The following TESPA1 variants were observed in gnomAD, a reference collection of about 807,000 sequenced individuals.
The protein encoded by TESPA1 is thymocyte expressed, positive selection associated 1.
TESPA1 carries 33 observed loss-of-function variants against 57.9 expected under a neutral mutation model. The ratio of observed to expected loss-of-function variants is 0.57; its 90% confidence interval spans 0.43 to 0.76. TESPA1 has a LOEUF of 0.76. Ranked by LOEUF, TESPA1 falls within the 30% of genes least tolerant of loss-of-function variation. The pLI is 0.00. For synonymous variants in TESPA1, 227 were observed against 228.9 expected (o/e 0.99, Z 0.07); for missense variants, 618 against 632.9 (o/e 0.98, Z 0.25).
At chr12:54,977,133 G>A (rs1281619128) in intron 1 of TESPA1, among the ~76,000 whole-genome samples, 1 of 151,806 alleles carries the variant, frequency 6.6e-6, no homozygotes, top group African/African-American at 2.4e-5. Flanking sequence ...CCAATTTATT[G>A]TTTACTCTTC....
intron 9 of TESPA1, 145 bp downstream of exon 9, chr12:54,962,286 C>T (rs1295967699): frequency 9.9e-7 from 1 of 1,011,318 alleles, no homozygotes; most frequent in Non-Finnish European, 1.4e-6. Context: ...GTATATTAAC[C>T]CTGAATTGAA....
intron 5 of TESPA1, 115 bp from the exon 6 acceptor site, chr12:54,966,539 G>A (rs749541297): frequency 8.5e-5 from 104 of 1,225,326 alleles, no homozygotes; most frequent in Non-Finnish European, 1.1e-4. Flanking sequence ...GACTATGACA[G>A]GCTAGCTGGA....
At position 54,974,606 on chromosome 12, in the gene TESPA1, T is replaced by A. The variant is rs763473465; in HGVS notation, c.-44A>T. ...AGGGCCTCCCGTAACAGTAATGCCGTCCTAAGAGTTGAAAAACAGTGATAC... is the reference window on the plus strand; with the variant it reads ...AGGGCCTCCCGTAACAGTAATGCCGACCTAAGAGTTGAAAAACAGTGATAC... On this transcript the variant is annotated splice_region_variant and 5_prime_UTR_variant, in exon 2 of 11. Coordinates refer to ENST00000449076, the MANE Select transcript of TESPA1 (RefSeq NM_001136030.3). 3 of 1,456,098 alleles carry A rather than the reference T, an allele frequency of 2.1e-6. No individual in the cohort carries two copies. The African/African-American group carries it at 4.3e-5, about 21-fold the overall frequency. The allele number at this position is 1,456,098 out of a possible 1,614,324, so 90.2% of individuals were successfully genotyped here. A position where few individuals can be genotyped will look rare whatever the true frequency, so the allele number is the denominator to read the frequency against.
chr12:54,968,022 T>G, intron 3 of TESPA1, 130 bp from the exon 4 acceptor site: 1 of 1,535,934 alleles, frequency 6.5e-7, no homozygotes, highest in Non-Finnish European at 8.7e-7. Flanking sequence ...TGCTTTTATG[T>G]TGGAGAAAAC....
In TESPA1 at chr12:54,967,227, C is replaced by T. The variant is rs375638700; in HGVS notation, c.266G>A (p.Ser89Asn). The T allele has an allele frequency of 6.2e-7, 1 of 1,612,708 alleles. No individual in the cohort carries two copies. Among genetic ancestry groups the T allele is most frequent in the Non-Finnish European group, 8.5e-7 (1 of 1,179,550 alleles). Residue 89 changes from serine (S) to asparagine (N), a missense_variant, in exon 5 of 11, where the codon AGC becomes AAC. Coordinates refer to ENST00000449076, the MANE Select transcript of TESPA1 (RefSeq NM_001136030.3). ...AGQFIYNGFCSHGTSFEDDLT... is the reference protein window; with the variant it reads ...AGQFIYNGFCNHGTSFEDDLT... ...GTCATCTTCAAAGCTGGTCCCATGG[C>T]TGCAGAAGCCTGTCCAATAATCAGG...
intron 7 of TESPA1, among the ~76,000 whole-genome samples, chr12:54,964,319 G>A (rs992682742): frequency 2.6e-5 from 4 of 152,194 alleles, no homozygotes; most frequent in African/African-American, 7.2e-5. Context: ...TTTGCCATCC[G>A]ACTTGCCCCA....
In TESPA1 at chr12:54,962,945, T is replaced by C. The variant is rs1951181183; in HGVS notation, c.953A>G (p.Glu318Gly). 1 of 1,613,766 alleles carries C rather than the reference T, an allele frequency of 6.2e-7. No homozygotes were observed. The highest frequency in any genetic ancestry group is 1.1e-5 in the South Asian group (1 of 91,066). The change falls in exon 9 of 11, where the codon GAA becomes GGA. Residue 318 changes from glutamate to glycine, a missense_variant. Physicochemically the swap from Glu to Gly is moderately conservative, Grantham distance 98. Coordinates refer to ENST00000449076, the MANE Select transcript of TESPA1 (RefSeq NM_001136030.3). ...CTCTTCTTTCACTTTGTCCATCACT[T>C]CCAACACAACTTGGTCCAAACTGTT... ...KRNSLDQVVL[E>G]VMDKVKEEKQ...
chr12:54,973,734 C>T, intron 2 of TESPA1: 1 of 1,322,138 alleles, frequency 7.6e-7, no homozygotes, highest in South Asian at 2.2e-5. Flanking sequence ...CCCTTCCTCC[C>T]AAGAACCTGG....
chr12:54,973,598 A>C, intron 2 of TESPA1, 79 bp from the exon 3 acceptor site: 1 of 1,609,828 alleles, frequency 6.2e-7, no homozygotes, highest in Admixed American at 1.7e-5. Context: ...CCATTCCACA[A>C]GTTTATTCTT....
chr12:54,955,225 C>T (rs72648123), intron 10 of TESPA1, among the ~76,000 whole-genome samples: 31,174 of 152,054 alleles, frequency 0.21, 5,425 homozygotes, highest in East Asian at 0.84. Context: ...ACTTGTATGT[C>T]TTCTTTCAAT....
chr12:54,974,598 T>A lies in TESPA1; in HGVS notation c.-36A>T, dbSNP rs776962065. On this transcript the variant is annotated 5_prime_UTR_variant, in exon 2 of 11. Transcript: ENST00000449076. ...CAGACTTCAGGGCCTCCCGTAACAGTAATGCCGTCCTAAGAGTTGAAAAAC... is the reference window on the plus strand; with the variant it reads ...CAGACTTCAGGGCCTCCCGTAACAGAAATGCCGTCCTAAGAGTTGAAAAAC... 3.4e-6 allele frequency: 5 copies of A among 1,488,888 alleles called. No homozygotes were observed. In the Admixed American group the frequency reaches 1.2e-4, roughly 35 times the overall value. 92.2% of individuals were successfully genotyped at this position (1,488,888 alleles called of 1,614,324 possible). A position where few individuals can be genotyped will look rare whatever the true frequency, so the allele number is the denominator to read the frequency against.
chr12:54,955,948 T>C (rs1050027684), intron 10 of TESPA1, among the ~76,000 whole-genome samples: 3 of 140,414 alleles, frequency 2.1e-5, no homozygotes, highest in Non-Finnish European at 4.4e-5. Context: ...CAGAATTTAT[T>C]TTGATATAAA....
chr12:54,968,010 T>A (rs1477666269), intron 3 of TESPA1, 118 bp from the exon 4 acceptor site: 10 of 1,546,988 alleles, frequency 6.5e-6, no homozygotes, highest in Non-Finnish European at 8.7e-6. Context: ...TAGTATTTAA[T>A]TTGCTTTTAT....
chr12:54,969,173 G>C (rs928087838), intron 3 of TESPA1, among the ~76,000 whole-genome samples: 1 of 150,592 alleles, frequency 6.6e-6, no homozygotes, highest in African/African-American at 2.4e-5. Context: ...CTACATCAAA[G>C]GTTCATTATA....
In TESPA1 at chr12:54,950,167, A is replaced by G. The variant is rs1950291027; in HGVS notation, c.*225T>C. ...AGAGATGTGCCTAAGGTCTTTGTGC[A>G]TGCAGCTTGTGGCAGCATTAGGATG... On this transcript the variant is annotated 3_prime_UTR_variant, in exon 11 of 11. Transcript: ENST00000449076. The G allele has an allele frequency of 2.3e-6, 1 of 436,906 alleles. No homozygotes were observed. Among genetic ancestry groups the G allele is most frequent in the South Asian group, 1.6e-5 (1 of 61,724 alleles). The allele number at this position is 436,906 out of a possible 1,614,324, so 27.1% of individuals were successfully genotyped here. A position where few individuals can be genotyped will look rare whatever the true frequency, so the allele number is the denominator to read the frequency against.
chr12:54,979,800 G>A (rs970371302), intron 1 of TESPA1, among the ~76,000 whole-genome samples: 1 of 152,118 alleles, frequency 6.6e-6, no homozygotes, highest in Non-Finnish European at 1.5e-5. Flanking sequence ...GAAGAATATC[G>A]CCTATTTCTA....
chr12:54,953,869 A>C (rs1421559701), intron 10 of TESPA1, among the ~76,000 whole-genome samples: 2 of 152,174 alleles, frequency 1.3e-5, no homozygotes, highest in East Asian at 3.9e-4. Flanking sequence ...AAGTAATGCC[A>C]TCTTCTGAAA....
At chr12:54,952,794 T>C (rs764071860) in intron 10 of TESPA1, among the ~76,000 whole-genome samples, 49 of 152,148 alleles carry the variant, frequency 3.2e-4, no homozygotes, top group Admixed American at 1.6e-3. Context: ...TTTTACCTTT[T>C]TGAAAATTAT....
chr12:54,977,425 A>C (rs1952175427), intron 1 of TESPA1, among the ~76,000 whole-genome samples: 1 of 152,208 alleles, frequency 6.6e-6, no homozygotes, highest in Non-Finnish European at 1.5e-5. Context: ...TGGAGAAAAG[A>C]GAGATGGTTA....
Sources: gnomAD v4.1 joint callset for allele counts (sites outside exome capture counted in the v4.1 genomes callset) on GRCh38, gnomAD v4.1.1 for gene constraint, MANE v1.5 for transcripts, NCBI Gene and HGNC (gene_info 2026-07-23, HGNC 2026-07-21) for gene names.